The following ABI1 variants were observed in gnomAD, a reference collection of about 807,000 sequenced individuals.
ABI1 encodes the protein abl interactor 1.
In ABI1, 14 loss-of-function variants were observed where a neutral mutation model predicts 54.6. The ratio of observed to expected loss-of-function variants is 0.26; its 90% CI spans 0.17 to 0.40. The LOEUF (loss-of-function observed/expected upper bound fraction) is 0.40. Among genes scored for constraint, ABI1 ranks in the 10% least tolerant of loss-of-function variants. The probability of loss-of-function intolerance (pLI) is 1.00; values close to 1 mark genes in which losing one functional copy is unlikely to be tolerated. For synonymous variants in ABI1, 194 were observed against 209.3 expected (o/e 0.93, Z 0.63); for missense variants, 443 against 598.3 (o/e 0.74, Z 2.71).
chr10:26,860,615 T>A lies in ABI1; in HGVS notation c.117+132A>T. ...CTCTGTCCCCGGTTGGGGCTGGGGT[T>A]GGGGCTGCGGTAGGGGCTCGGGTTG... On this transcript the variant is annotated intron_variant, in intron 1 of 10. Coordinates refer to ENST00000376140, the MANE Select transcript of ABI1 (RefSeq NM_001012750.3). The surrounding 1 kb of genome is among the most constrained non-coding windows in gnomAD (Gnocchi z 4.1). 1.4e-6 allele frequency: 1 copy of A among 714,592 alleles called. No individual in the cohort carries two copies. Among genetic ancestry groups the A allele is most frequent in the Middle Eastern group, 3.9e-4 (1 of 2,552 alleles). The allele number at this position is 714,592 out of a possible 1,614,324, so 44.3% of individuals were successfully genotyped here. A position where few individuals can be genotyped will look rare whatever the true frequency, so the allele number is the denominator to read the frequency against.
At chr10:26,797,648 T>C (rs1844363051) in intron 2 of ABI1, among the ~76,000 whole-genome samples, 1 of 152,052 alleles carries the variant, frequency 6.6e-6, no homozygotes, top group Non-Finnish European at 1.5e-5. Context: ...AGGCAAGGCA[T>C]GGTAGGAAAA....
intron 3 of ABI1, among the ~76,000 whole-genome samples, chr10:26,774,883 A>G (rs536094525): frequency 6.6e-6 from 1 of 152,154 alleles, no homozygotes; most frequent in East Asian, 1.9e-4. Context: ...ATCAAAGTCA[A>G]AAGCCAAACA....
chr10:26,811,968 G>A (rs781289381), intron 2 of ABI1, among the ~76,000 whole-genome samples: 18 of 152,146 alleles, frequency 1.2e-4, no homozygotes, highest in South Asian at 2.1e-4. Context: ...GAAGGCTCAG[G>A]AGGGGGTGTT....
chr10:26,799,476 G>A (rs532231431), intron 2 of ABI1, among the ~76,000 whole-genome samples: 1 of 152,174 alleles, frequency 6.6e-6, no homozygotes, highest in Admixed American at 6.5e-5. Context: ...GGGGAGGGGG[G>A]AAATTAGAAA....
At chr10:26,838,081 T>C (rs755786209) in intron 1 of ABI1, among the ~76,000 whole-genome samples, 6 of 151,326 alleles carry the variant, frequency 4.0e-5, no homozygotes, top group Non-Finnish European at 8.8e-5. Context: ...TAGAGTACAG[T>C]AGCACAATCT....
intron 7 of ABI1, among the ~76,000 whole-genome samples, chr10:26,761,232 C>T (rs1465608876): frequency 6.6e-6 from 1 of 151,886 alleles, no homozygotes; most frequent in African/African-American, 2.4e-5. Context: ...GTCACCACTC[C>T]CAGCCAACCA....
At chr10:26,825,615 C>T (rs1198526071) in intron 1 of ABI1, among the ~76,000 whole-genome samples, 3 of 152,096 alleles carry the variant, frequency 2.0e-5, no homozygotes, top group Non-Finnish European at 4.4e-5. Flanking sequence ...GAGCTGAGAC[C>T]GTGCCACCGT....
chr10:26,773,039 G>A (rs973817850), intron 3 of ABI1, among the ~76,000 whole-genome samples: 45 of 152,084 alleles, frequency 3.0e-4, no homozygotes, highest in African/African-American at 1.1e-3. Context: ...TTGCACTTCA[G>A]TGAGACCCTG....
intron 2 of ABI1, 33 bp downstream of exon 2, chr10:26,823,105 A>C: frequency 1.3e-6 from 2 of 1,537,204 alleles, no homozygotes; most frequent in Non-Finnish European, 1.7e-6. Context: ...AGTTTTTTTT[A>C]AATTGAATTT....
At chr10:26,762,287 C>T (rs779572592) in intron 7 of ABI1, among the ~76,000 whole-genome samples, 10 of 152,170 alleles carry the variant, frequency 6.6e-5, no homozygotes, top group Non-Finnish European at 1.2e-4. Context: ...GGATTAGAGG[C>T]GTGAGCCACT....
At chr10:26,831,213 T>C (rs894666917) in intron 1 of ABI1, among the ~76,000 whole-genome samples, 4 of 151,534 alleles carry the variant, frequency 2.6e-5, no homozygotes, top group Non-Finnish European at 5.9e-5. Flanking sequence ...AATCCAAACC[T>C]ATACCCAAAT....
intron 2 of ABI1, among the ~76,000 whole-genome samples, chr10:26,820,684 T>C (rs969429460): frequency 2.0e-5 from 3 of 150,472 alleles, no homozygotes; most frequent in Admixed American, 6.7e-5. Context: ...GCCTCCCAGG[T>C]TGAAGTAATT....
chr10:26,775,603 C>T (rs985786331), intron 3 of ABI1, among the ~76,000 whole-genome samples: 8 of 152,150 alleles, frequency 5.3e-5, no homozygotes, highest in African/African-American at 1.9e-4. Context: ...TTACACCTCC[C>T]ACTTACACAT....
chr10:26,830,835 T>A (rs72794113), intron 1 of ABI1, among the ~76,000 whole-genome samples: 1,537 of 152,324 alleles, frequency 0.01, 22 homozygotes, highest in East Asian at 0.068. Context: ...TATCAAATCA[T>A]AATGTTTTCA....
intron 7 of ABI1, among the ~76,000 whole-genome samples, chr10:26,764,233 A>T (rs1839614300): frequency 6.6e-6 from 1 of 152,182 alleles, no homozygotes; most frequent in East Asian, 1.9e-4. Flanking sequence ...ATTTTTCATT[A>T]TCATACTTTA....
intron 1 of ABI1, among the ~76,000 whole-genome samples, chr10:26,851,348 A>ATTTTTTTTTTTTTTTTTTT (rs397724445): frequency 1.5e-5 from 1 of 67,816 alleles, no homozygotes; most frequent in African/African-American, 6.4e-5. Context: ...GACTAAGCTA[A>ATTTTTTTTTTTTTTTTTTT]TTTTTTTTTT....
chr10:26,823,411 A>G (rs1347600878), intron 1 of ABI1, 106 bp from the exon 2 acceptor site: 1 of 947,312 alleles, frequency 1.1e-6, no homozygotes, highest in Non-Finnish European at 1.4e-6. Context: ...AAATTCAATA[A>G]AAAAAAACTC....
At chr10:26,752,731 A>G (rs548218815) in intron 9 of ABI1, among the ~76,000 whole-genome samples, 7 of 152,276 alleles carry the variant, frequency 4.6e-5, no homozygotes, top group African/African-American at 1.7e-4. Flanking sequence ...GTAAACAGGG[A>G]AATGGGAAAA....
intron 6 of ABI1, 34 bp from the exon 7 acceptor site, chr10:26,765,352 T>A: frequency 2.0e-6 from 3 of 1,465,780 alleles, no homozygotes; most frequent in Non-Finnish European, 2.8e-6. Context: ...GAAAAACCAA[T>A]TCTAGAGACA....
Sources: allele counts gnomAD v4.1 joint callset (sites outside exome capture counted in the v4.1 genomes callset), GRCh38; gene constraint gnomAD v4.1.1; non-coding constraint Gnocchi (gnomAD v3.1); transcripts MANE v1.5; gene names NCBI Gene and HGNC (gene_info 2026-07-23, HGNC 2026-07-21).